ACSM2B: variants seen among roughly 807,000 people sequenced by gnomAD.
ACSM2B encodes the protein acyl-coenzyme A synthetase ACSM2B, mitochondrial.
ACSM2B carries 58 observed loss-of-function variants against 78.6 expected under a neutral mutation model. That is an observed-to-expected ratio of 0.74 (90% CI 0.60 to 0.92). ACSM2B has a LOEUF of 0.92. ACSM2B is among the 40% of genes least tolerant of loss of function. The pLI, the probability that ACSM2B is intolerant of heterozygous loss-of-function variation, is 0.00. For missense variants in ACSM2B, 688 were observed against 711.2 expected (o/e 0.97, Z 0.37); for synonymous variants, 257 against 256.8 (o/e 1.00, Z -0.01).
rs944988463 is a variant in ACSM2B, at chr16:20,537,133, G to T, written c.*125C>A. The T allele has an allele frequency of 6.8e-6, 8 of 1,178,390 alleles. 1 individual carries two copies. In the African/African-American group the frequency reaches 9.2e-5, roughly 14 times the overall value. The allele number at this position is 1,178,390 out of a possible 1,614,324, so 73.0% of individuals were successfully genotyped here. A position where few individuals can be genotyped will look rare whatever the true frequency, so the allele number is the denominator to read the frequency against. ...GTAATGTTTTGTGCTAATAACCAGG[G>T]CAAGACAAAACTTACATTCATGTTC... is the stretch of plus-strand genomic sequence containing the variant. On this transcript the variant is annotated 3_prime_UTR_variant, in exon 14 of 14. Transcript: ENST00000329697.
chr16:20,568,755 C>A (rs2016008080), intron 1 of ACSM2B, among the ~76,000 whole-genome samples: 1 of 151,764 alleles, frequency 6.6e-6, no homozygotes, highest in Non-Finnish European at 1.5e-5. Context: ...TTTATAATGA[C>A]CATTCTTGCA....
At chr16:20,539,839 A>G in intron 13 of ACSM2B, among the ~76,000 whole-genome samples, 1 of 152,100 alleles carries the variant, frequency 6.6e-6, no homozygotes, top group Non-Finnish European at 1.5e-5. Flanking sequence ...CACAAAGAAA[A>G]AGCATTCCAA....
In ACSM2B at chr16:20,537,173, T is replaced by A; in HGVS notation, c.*85A>T. 2 of 1,481,004 alleles carry A rather than the reference T, an allele frequency of 1.4e-6. No homozygotes were observed. Among genetic ancestry groups the A allele is most frequent in the Admixed American group, 3.7e-5 (2 of 54,698 alleles). 91.7% of individuals were successfully genotyped at this position (1,481,004 alleles called of 1,614,324 possible). A position where few individuals can be genotyped will look rare whatever the true frequency, so the allele number is the denominator to read the frequency against. ...CATTCATGTTCTTTCATAAAGAATCTCATATCATCATAGTAAGGCCAAGGG... is the reference window on the plus strand; with the variant it reads ...CATTCATGTTCTTTCATAAAGAATCACATATCATCATAGTAAGGCCAAGGG... On this transcript the variant is annotated 3_prime_UTR_variant, in exon 14 of 14. Coordinates refer to ENST00000329697, the MANE Select transcript of ACSM2B (RefSeq NM_001105069.2).
rs1053813166 is a variant in ACSM2B at position 20,545,194 on chromosome 16, T to A, written c.1244A>T (p.Lys415Ile). 6.2e-6 allele frequency: 10 copies of A among 1,613,924 alleles called. No homozygotes were observed. The highest frequency in any genetic ancestry group is 8.5e-6 in the Non-Finnish European group (10 of 1,179,854). The part of the protein sequence containing the change: ...GTEGDIGIRV[K>I]PIRPIGIFSG... ...GAAGATGCCTATAGGCCTGATGGGT[T>A]TGACCCTGATGCCAATGTCTCCTTC... The change falls in exon 10 of 14, where the codon AAA (lysine) becomes ATA (isoleucine). Residue 415 changes from lysine to isoleucine, a missense_variant. Coordinates refer to ENST00000329697, the MANE Select transcript of ACSM2B (RefSeq NM_001105069.2).
intron 12 of ACSM2B, 54 bp from the exon 13 acceptor site, chr16:20,540,827 C>T: frequency 1.3e-6 from 2 of 1,585,408 alleles, no homozygotes; most frequent in Non-Finnish European, 1.7e-6. Context: ...TAGTCATCTC[C>T]TGGAATAATG....
In ACSM2B at chr16:20,548,441, C is replaced by G. The variant is rs1482129066; in HGVS notation, c.927G>C (p.Met309Ile). Residue 309 changes from methionine to isoleucine, a missense_variant, in exon 7 of 14, where the codon ATG becomes ATC. Met to Ile is a conservative substitution (Grantham distance 10, BLOSUM62 1). Coordinates refer to ENST00000329697, the MANE Select transcript of ACSM2B (RefSeq NM_001105069.2). ...ACATCCGGTAAACAATAGGGGCACC[C>G]ATCATACTCTTGATTGGATAACTGG... ...TLSSYPIKSM[M>I]GAPIVYRMLL... 6.2e-6 allele frequency: 10 copies of G among 1,613,474 alleles called. No individual in the cohort carries two copies. Among genetic ancestry groups the G allele is most frequent in the Non-Finnish European group, 8.5e-6 (10 of 1,179,704 alleles).
intron 12 of ACSM2B, 35 bp from the exon 13 acceptor site, chr16:20,540,808 T>G: frequency 6.2e-7 from 1 of 1,605,750 alleles, no homozygotes; most frequent in Non-Finnish European, 8.5e-7. Flanking sequence ...GATAAGGGAT[T>G]AGAGTGTGTA....
In ACSM2B at chr16:20,566,671, ATATACATATAG is replaced by A. The variant is rs1567218210; in HGVS notation, c.-8-1829_-8-1819del. On this transcript the variant is annotated intron_variant, in intron 1 of 13. Coordinates refer to ENST00000329697, the MANE Select transcript of ACSM2B (RefSeq NM_001105069.2). Reference sequence around the variant, plus strand: ...TATACTATATATATGTATATATAGTATATACATATAGTATATACTATATATAGTATATATAT... The same window carrying A: ...TATACTATATATATGTATATATAGTATATATACTATATATAGTATATATAT... Among the ~76,000 whole-genome samples the A allele has an allele frequency of 6.4e-3, 207 of 32,210 alleles. 6 individuals carry two copies. Among genetic ancestry groups the A allele is most frequent in the African/African-American group, 0.045 (158 of 3,524 alleles). 21.1% of individuals were successfully genotyped at this position (32,210 alleles called of 152,430 possible). A position where few individuals can be genotyped will look rare whatever the true frequency, so the allele number is the denominator to read the frequency against.
chr16:20,546,256 C>A, intron 9 of ACSM2B, 138 bp downstream of exon 9: 2 of 1,427,756 alleles, frequency 1.4e-6, no homozygotes, highest in South Asian at 1.8e-5. Flanking sequence ...CCCCTAACCT[C>A]CCTCCGTCCC....
rs769904929 is a variant in ACSM2B, at chr16:20,555,342, G to C, written c.523C>G (p.Pro175Ala). Residue 175 changes from proline (P) to alanine (A), a missense_variant, in exon 4 of 14, where the codon CCT becomes GCT. Physicochemically the swap from Pro to Ala is conservative, Grantham distance 27. Transcript: ENST00000329697. Reference protein sequence around the residue: ...QEVDTVASECPSLRIKLLVSE... With the variant: ...QEVDTVASECASLRIKLLVSE... ...ACCAGTAGCTTAATTCTCAGAGAAG[G>C]ACATTCAGATGCCACTGTGTCCACT... is the stretch of plus-strand genomic sequence containing the variant. 5 of 1,613,794 alleles carry C rather than the reference G, an allele frequency of 3.1e-6. No homozygotes were observed. In the African/African-American group the frequency reaches 4.0e-5, roughly 13 times the overall value.
intron 1 of ACSM2B, among the ~76,000 whole-genome samples, chr16:20,567,496 A>ATATAAAATATC (rs1380170550): frequency 1.7e-4 from 21 of 126,442 alleles, no homozygotes; most frequent in African/African-American, 5.1e-4. Context: ...TATAAATAAT[A>ATATAAAATATC]TATAAAATAT....
At chr16:20,562,793 C>A (rs554131601) in intron 2 of ACSM2B, among the ~76,000 whole-genome samples, 1 of 152,246 alleles carries the variant, frequency 6.6e-6, no homozygotes, top group African/African-American at 2.4e-5. Context: ...TGTAACTTCA[C>A]CAGTTGCTTC....
At position 20,548,385 on chromosome 16, in the gene ACSM2B, C is replaced by T; in HGVS notation, c.974+9G>A. On this transcript the variant is annotated intron_variant, in intron 7 of 13. Transcript: ENST00000329697. The stretch of plus-strand genomic sequence containing the variant: ...CAGACTCTCTTACCAATCCTCAAAG[C>T]CCCATCACCTGGAAAGATCCTGCTG... The T allele has an allele frequency of 1.2e-6, 2 of 1,613,564 alleles. No individual in the cohort carries two copies.
intron 1 of ACSM2B, among the ~76,000 whole-genome samples, chr16:20,568,699 C>T (rs1245648937): frequency 6.6e-6 from 1 of 151,546 alleles, no homozygotes; most frequent in Non-Finnish European, 1.5e-5. Flanking sequence ...TAGAAGTGTT[C>T]CCTTTTCACC....
chr16:20,548,753 A>C (rs1437224622), intron 6 of ACSM2B, among the ~76,000 whole-genome samples: 2 of 152,178 alleles, frequency 1.3e-5, no homozygotes, highest in Non-Finnish European at 2.9e-5. Context: ...TGCCAGTTTA[A>C]GACTTGCCCT....
Position 20,537,151 on chromosome 16 carries a change from T to C in ACSM2B, c.*107A>G. On this transcript the variant is annotated 3_prime_UTR_variant, in exon 14 of 14. Transcript: ENST00000329697. The stretch of plus-strand genomic sequence containing the variant: ...AACCAGGGCAAGACAAAACTTACAT[T>C]CATGTTCTTTCATAAAGAATCTCAT... The C allele has an allele frequency of 7.4e-7, 1 of 1,353,968 alleles. No individual in the cohort carries two copies. The allele number at this position is 1,353,968 out of a possible 1,614,324, so 83.9% of individuals were successfully genotyped here.
chr16:20,562,110 C>A (rs538753627), intron 2 of ACSM2B, among the ~76,000 whole-genome samples: 37 of 151,604 alleles, frequency 2.4e-4, no homozygotes, highest in African/African-American at 8.5e-4. Flanking sequence ...TCTCAGAGAC[C>A]CTGATTTTAA....
At chr16:20,540,835 A>C (rs1184753274) in intron 12 of ACSM2B, 62 bp from the exon 13 acceptor site, 9 of 1,578,048 alleles carry the variant, frequency 5.7e-6, no homozygotes, top group Non-Finnish European at 7.8e-6. Context: ...TCCTGGAATA[A>C]TGTGAAATTA....
At chr16:20,561,580 C>A (rs1318454348) in intron 2 of ACSM2B, among the ~76,000 whole-genome samples, 3 of 152,024 alleles carry the variant, frequency 2.0e-5, no homozygotes, top group Non-Finnish European at 2.9e-5. Context: ...CTGTGGATTA[C>A]ATTTCAACAT....
Sources: gnomAD v4.1 joint callset for allele counts (sites outside exome capture counted in the v4.1 genomes callset) on GRCh38, gnomAD v4.1.1 for gene constraint, MANE v1.5 for transcripts, NCBI Gene and HGNC (gene_info 2026-07-23, HGNC 2026-07-21) for gene names.